The following METTL8 variants were observed in gnomAD, a reference collection of about 807,000 sequenced individuals.
METTL8 encodes the protein methyltransferase 8, tRNA N3-cytidine, also known as tRNA N(3)-cytidine methyltransferase METTL8, mitochondrial.
A neutral mutation model predicts 48.7 loss-of-function variants in METTL8; 32 were observed. That is an observed-to-expected ratio of 0.66 (90% CI 0.50 to 0.88). METTL8 has a LOEUF of 0.88. METTL8 is among the 40% of genes least tolerant of loss of function. METTL8 has a pLI of 0.00. For synonymous variants in METTL8, 136 were observed against 157.1 expected, an observed-to-expected ratio of 0.87 and a Z score of 1.01; for missense variants, 464 against 474.4, an observed-to-expected ratio of 0.98 and a Z score of 0.20.
chr2:171,360,674 T>C (rs938401376), intron 2 of METTL8, among the ~76,000 whole-genome samples, 161 bp from the exon 3 acceptor site: 1 of 152,212 alleles, frequency 6.6e-6, no homozygotes, highest in African/African-American at 2.4e-5. Flanking sequence ...TTCCTACTGA[T>C]GGCGCTGGTA....
In METTL8 at chr2:171,324,236, T is replaced by TG; in HGVS notation, c.1159dup (p.Gln387ProfsTer10). On this transcript the variant is annotated frameshift_variant, in exon 10 of 10. Coordinates refer to ENST00000375258, the MANE Select transcript of METTL8 (RefSeq NM_001321154.2). LOFTEE classifies it low-confidence loss of function (END_TRUNC). ...ATTCTGAGTCTGGTGCAATGGTTTC[T>TG]GGAATTTGCCTTGAATCCACACTCG... 4.5e-6 allele frequency: 7 copies of TG among 1,551,276 alleles called. No individual in the cohort carries two copies. Among genetic ancestry groups the TG allele is most frequent in the Non-Finnish European group, 6.1e-6 (7 of 1,146,948 alleles).
At chr2:171,396,265 GAATAAATA>G (rs56295899) in intron 1 of METTL8, among the ~76,000 whole-genome samples, 21 of 150,990 alleles carry the variant, frequency 1.4e-4, no homozygotes, top group Admixed American at 4.0e-4. Context: ...CTGTCTCAAT[GAATAAATA>G]AATAAATAAA....
In METTL8 at chr2:171,319,658, A is replaced by C. The variant is rs1020461898; in HGVS notation, c.*4514T>G. 6.6e-6 allele frequency: 1 copy of C among 152,362 alleles called. No individual in the cohort carries two copies. The highest frequency in any genetic ancestry group is 6.5e-5 in the Admixed American group (1 of 15,302). The allele number at this position is 152,362 out of a possible 1,614,324, so 9.4% of individuals were successfully genotyped here. A position where few individuals can be genotyped will look rare whatever the true frequency, so the allele number is the denominator to read the frequency against. On this transcript the variant is annotated 3_prime_UTR_variant, in exon 10 of 10. Transcript: ENST00000375258. Reference sequence around the variant, plus strand: ...AGAGAGGCAAAGCAAATAAGTTCTCAGAAGTCAATGTTAAATGGGTGTTTC... The same window carrying C: ...AGAGAGGCAAAGCAAATAAGTTCTCCGAAGTCAATGTTAAATGGGTGTTTC...
intron 1 of METTL8, among the ~76,000 whole-genome samples, chr2:171,397,275 AG>A (rs1689162812): frequency 7.4e-6 from 1 of 134,368 alleles, no homozygotes; most frequent in Non-Finnish European, 1.6e-5. Context: ...GAGCTTTGGG[AG>A]GGAGGTCAAG....
chr2:171,407,351 G>A (rs574506159), intron 1 of METTL8, among the ~76,000 whole-genome samples: 1 of 151,900 alleles, frequency 6.6e-6, no homozygotes, highest in Non-Finnish European at 1.5e-5. Flanking sequence ...GGGGGAAATG[G>A]AAAGAAACAG....
At chr2:171,405,235 T>C (rs1470176035) in intron 1 of METTL8, among the ~76,000 whole-genome samples, 1 of 151,934 alleles carries the variant, frequency 6.6e-6, no homozygotes, top group Non-Finnish European at 1.5e-5. Context: ...GTGCTAGAGA[T>C]GTGTATCTGG....
intron 1 of METTL8, among the ~76,000 whole-genome samples, chr2:171,421,820 C>T (rs1225911600): frequency 6.6e-6 from 1 of 152,210 alleles, no homozygotes; most frequent in East Asian, 1.9e-4. Flanking sequence ...TTGGTATATG[C>T]GGGCATCCTG....
intron 1 of METTL8, among the ~76,000 whole-genome samples, chr2:171,412,683 T>C (rs1690870417): frequency 2.0e-5 from 3 of 150,426 alleles, no homozygotes; most frequent in African/African-American, 7.4e-5. Context: ...GGCATCAAAC[T>C]ATACAGAAGA....
At chr2:171,418,888 G>A (rs562385271) in intron 1 of METTL8, among the ~76,000 whole-genome samples, 74 of 152,164 alleles carry the variant, frequency 4.9e-4, no homozygotes, top group Non-Finnish European at 9.3e-4. Context: ...CCAGGAGGCG[G>A]AGGCTGCAGT....
chr2:171,358,606 G>C (rs1684834190), intron 3 of METTL8, among the ~76,000 whole-genome samples: 1 of 152,212 alleles, frequency 6.6e-6, no homozygotes, highest in African/African-American at 2.4e-5. Context: ...CTGGAAAACT[G>C]TAAGCAGAAG....
At chr2:171,325,520 T>C (rs950854285) in intron 9 of METTL8, among the ~76,000 whole-genome samples, 4 of 152,216 alleles carry the variant, frequency 2.6e-5, no homozygotes, top group Non-Finnish European at 5.9e-5. Context: ...ACTTATCAAA[T>C]GTCCTCCTTT....
At chr2:171,419,826 T>C (rs1444066343) in intron 1 of METTL8, among the ~76,000 whole-genome samples, 90 of 152,064 alleles carry the variant, frequency 5.9e-4, no homozygotes, top group Non-Finnish European at 1.5e-4. Context: ...GTACCCACCA[T>C]TATAGTCTCA....
chr2:171,365,876 G>T lies in METTL8; in HGVS notation c.144-5363C>A, dbSNP rs187718017. ...CCTTAAGAGAAGAAAAACACAAAAG[G>T]TGAGTCCCCACATCCACCTGTTCTG... On this transcript the variant is annotated intron_variant, in intron 2 of 9. Coordinates refer to ENST00000375258, the MANE Select transcript of METTL8 (RefSeq NM_001321154.2). Among the ~76,000 whole-genome samples, 9 of 152,270 alleles carry T rather than the reference G, an allele frequency of 5.9e-5. No homozygotes were observed. The South Asian group carries it at 8.3e-4, about 14-fold the overall frequency.
intron 1 of METTL8, among the ~76,000 whole-genome samples, chr2:171,393,138 A>G (rs573489043): frequency 1.3e-5 from 2 of 151,628 alleles, no homozygotes; most frequent in East Asian, 3.9e-4. Flanking sequence ...TGCATGCTTA[A>G]GGCCAGCTGC....
intron 3 of METTL8, among the ~76,000 whole-genome samples, chr2:171,346,322 C>G (rs1432196297): frequency 6.6e-6 from 1 of 152,172 alleles, no homozygotes; most frequent in Non-Finnish European, 1.5e-5. Context: ...CCACCACATC[C>G]GGTCCCAGAT....
intron 1 of METTL8, among the ~76,000 whole-genome samples, chr2:171,407,042 T>C (rs906070180): frequency 6.6e-6 from 1 of 152,052 alleles, no homozygotes; most frequent in African/African-American, 2.4e-5. Flanking sequence ...TTTAGGCTTG[T>C]AGTATGGAAA....
intron 1 of METTL8, among the ~76,000 whole-genome samples, chr2:171,432,103 C>T (rs1038607403): frequency 1.3e-5 from 2 of 152,234 alleles, no homozygotes; most frequent in African/African-American, 4.8e-5. Flanking sequence ...GGATCCACAC[C>T]TGCGTGCAAG....
At position 171,326,059 on chromosome 2, in the gene METTL8, TGA is replaced by T. The variant is rs1684921267; in HGVS notation, c.948_949del (p.Gln317AlafsTer4). On this transcript the variant is annotated frameshift_variant, in exon 8 of 10. Coordinates refer to ENST00000375258, the MANE Select transcript of METTL8 (RefSeq NM_001321154.2). LOFTEE classifies it high-confidence loss of function. ...ACTATTACCCTTTTTAAAACGAAGC[TGA>T]GTCTTATCATATCTTCCATAGTCTC... The T allele has an allele frequency of 6.5e-7, 1 of 1,541,294 alleles. No homozygotes were observed.
Position 171,343,008 on chromosome 2 carries a change from A to G in METTL8, c.236-3454T>C, listed in dbSNP as rs184514017. ...GACAACAAAGCAAGACCCTGTCTCTACTTAAAAAAAAAATGTGTGTATAGC... is the reference window on the plus strand; with the variant it reads ...GACAACAAAGCAAGACCCTGTCTCTGCTTAAAAAAAAAATGTGTGTATAGC... On this transcript the variant is annotated intron_variant, in intron 3 of 9. Transcript: ENST00000375258. Among the ~76,000 whole-genome samples the G allele has an allele frequency of 1.5e-4, 23 of 152,272 alleles. 1 individual carries two copies. In the East Asian group the frequency reaches 2.3e-3, roughly 15 times the overall value.
Sources: gnomAD v4.1 joint callset for allele counts (sites outside exome capture counted in the v4.1 genomes callset) on GRCh38, gnomAD v4.1.1 for gene constraint, MANE v1.5 for transcripts, NCBI Gene and HGNC (gene_info 2026-07-23, HGNC 2026-07-21) for gene names.